The following ADGRG7 variants were observed in gnomAD, a reference collection of about 807,000 sequenced individuals.
ADGRG7 encodes G-protein coupled receptor 128.
Under a neutral mutation model 88.6 loss-of-function variants are expected in ADGRG7, and 82 were observed. The observed-to-expected ratio is 0.93, with a 90% confidence interval of 0.77 to 1.11. The LOEUF (loss-of-function observed/expected upper bound fraction) is 1.11. ADGRG7 is among the 50% of genes most tolerant of loss of function. The probability of loss-of-function intolerance (pLI) is 0.00; values close to 1 mark genes in which losing one functional copy is unlikely to be tolerated. For synonymous variants in ADGRG7, 381 were observed against 345.2 expected (o/e 1.10, Z -1.15); for missense variants, 945 against 953.4 (o/e 0.99, Z 0.12).
intron 15 of ADGRG7, among the ~76,000 whole-genome samples, chr3:100,671,186 G>A (rs572415298): frequency 1.3e-5 from 2 of 152,238 alleles, no homozygotes; most frequent in Admixed American, 1.3e-4. Context: ...AAGTGTTCCT[G>A]TTTCTCCACA....
chr3:100,649,761 T>C lies in ADGRG7; in HGVS notation c.1333T>C (p.Ser445Pro). ...DILSNVGCAL[S>P]VTGLALTVIF... ...ATTATCCAACGTTGGATGTGCACTGTCTGTTACTGGTCTGGCTCTCACAGT... is the reference window on the plus strand; with the variant it reads ...ATTATCCAACGTTGGATGTGCACTGCCTGTTACTGGTCTGGCTCTCACAGT... Residue 445 changes from serine to proline, a missense_variant, in exon 11 of 16, where the codon TCT becomes CCT. Ser to Pro is a moderately conservative substitution (Grantham distance 74, BLOSUM62 -1). Coordinates refer to ENST00000273352, the MANE Select transcript of ADGRG7 (RefSeq NM_032787.3). 6.2e-7 allele frequency: 1 copy of C among 1,611,144 alleles called. No individual in the cohort carries two copies. The highest frequency in any genetic ancestry group is 8.5e-7 in the Non-Finnish European group (1 of 1,177,666).
chr3:100,628,059 T>C (rs961246009), intron 1 of ADGRG7, among the ~76,000 whole-genome samples: 1 of 152,158 alleles, frequency 6.6e-6, no homozygotes, highest in African/African-American at 2.4e-5. Flanking sequence ...TTCTGGGATA[T>C]CTACCTTCAA....
At chr3:100,689,000 G>A (rs1219244185) in intron 15 of ADGRG7, among the ~76,000 whole-genome samples, 1 of 152,156 alleles carries the variant, frequency 6.6e-6, no homozygotes, top group African/African-American at 2.4e-5. Flanking sequence ...CGTTATTATT[G>A]TGTGGGAGTC....
In ADGRG7 at chr3:100,646,648, G is replaced by A. The variant is rs763042442; in HGVS notation, c.1190G>A (p.Gly397Asp). Residue 397 changes from glycine to aspartate, a missense_variant, in exon 10 of 16, where the codon GGC (glycine) becomes GAC (aspartate). By Grantham distance (94) the Gly-to-Asp change is moderately conservative (BLOSUM62 -1). Coordinates refer to ENST00000273352, the MANE Select transcript of ADGRG7 (RefSeq NM_032787.3). ...NLSAKDWDTY[G>D]CQKDKGTDGF... ...TCAGCGAAGGACTGGGACACATATG[G>A]CTGTCAAAAAGACAAGGGCACTGAT... The A allele has an allele frequency of 3.1e-6, 5 of 1,614,064 alleles. No individual in the cohort carries two copies. In the East Asian group the frequency reaches 6.7e-5, roughly 22 times the overall value.
In ADGRG7 at chr3:100,694,792, A is replaced by G; in HGVS notation, c.2185A>G (p.Ser729Gly). The change falls in exon 16 of 16, where the codon AGT (serine) becomes GGT (glycine). Residue 729 changes from serine (S) to glycine (G), a missense_variant. Physicochemically the swap from Ser to Gly is moderately conservative, Grantham distance 56. Coordinates refer to ENST00000273352, the MANE Select transcript of ADGRG7 (RefSeq NM_032787.3). The stretch of plus-strand genomic sequence containing the variant: ...CACTGTTAGAACAAAAGTCTTCCAG[A>G]GTGAAGCTTCCAAAGTGTTGATGTT... ...LYTVRTKVFQ[S>G]EASKVLMLLS... 1 of 1,614,128 alleles carries G rather than the reference A, an allele frequency of 6.2e-7. No individual in the cohort carries two copies. Among genetic ancestry groups the G allele is most frequent in the South Asian group, 1.1e-5 (1 of 91,086 alleles).
chr3:100,670,756 C>A (rs999134993), intron 15 of ADGRG7, among the ~76,000 whole-genome samples: 5 of 152,138 alleles, frequency 3.3e-5, no homozygotes, highest in African/African-American at 1.2e-4. Context: ...GTTCCCCTCC[C>A]TGTGTCCACG....
intron 14 of ADGRG7, chr3:100,665,462 CAA>C: frequency 1.9e-6 from 1 of 533,404 alleles, no homozygotes; most frequent in Admixed American, 2.0e-5. Flanking sequence ...TCAAAACCAC[CAA>C]AGACTCACTC....
At chr3:100,684,481 T>C (rs950123918) in intron 15 of ADGRG7, among the ~76,000 whole-genome samples, 1 of 152,112 alleles carries the variant, frequency 6.6e-6, no homozygotes, top group Non-Finnish European at 1.5e-5. Context: ...TTGTCCAGGC[T>C]GTTCTTGAAC....
At position 100,659,638 on chromosome 3, in the gene ADGRG7, T is replaced by C. The variant is rs7640071; in HGVS notation, c.1824-50T>C. ...ATAGTGTTAATAGCACAAAGACCAG[T>C]ATGTATACCTTTCTTAGTCTGCTGA... On this transcript the variant is annotated intron_variant, in intron 13 of 15. Transcript: ENST00000273352. 9.8e-4 allele frequency: 1,533 copies of C among 1,562,574 alleles called. 15 individuals carry two copies. In the African/African-American group the frequency reaches 0.018, roughly 18 times the overall value.
rs2095000190 is a variant in ADGRG7, at chr3:100,695,097, T to C, written c.*96T>C. 13 of 1,291,554 alleles carry C rather than the reference T, an allele frequency of 1.0e-5. No homozygotes were observed. Among genetic ancestry groups the C allele is most frequent in the Middle Eastern group, 1.9e-4 (1 of 5,206 alleles). 80.0% of individuals were successfully genotyped at this position (1,291,554 alleles called of 1,614,324 possible). On this transcript the variant is annotated 3_prime_UTR_variant, in exon 16 of 16. Coordinates refer to ENST00000273352, the MANE Select transcript of ADGRG7 (RefSeq NM_032787.3). Reference sequence around the variant, plus strand: ...TCCCAGTCCTCTCAGAAAGTCTTCCTCAATGTATTTTGCTCAGGATTAAGA... The same window carrying C: ...TCCCAGTCCTCTCAGAAAGTCTTCCCCAATGTATTTTGCTCAGGATTAAGA...
intron 1 of ADGRG7, 47 bp downstream of exon 1, chr3:100,610,018 G>C (rs1444229193): frequency 6.7e-7 from 1 of 1,487,094 alleles, no homozygotes; most frequent in Admixed American, 1.7e-5. Flanking sequence ...GAAGGTATGG[G>C]ACCTCTGTCC....
chr3:100,672,986 G>A (rs369569278), intron 15 of ADGRG7, among the ~76,000 whole-genome samples: 4 of 152,084 alleles, frequency 2.6e-5, no homozygotes, highest in East Asian at 1.9e-4. Flanking sequence ...TTTTCACATC[G>A]ATGTTCATCA....
chr3:100,648,250 C>T (rs867455994), intron 10 of ADGRG7, among the ~76,000 whole-genome samples: 1 of 152,080 alleles, frequency 6.6e-6, no homozygotes, highest in African/African-American at 2.4e-5. Flanking sequence ...TCAATGTCTA[C>T]GTACCTACAT....
At chr3:100,665,619 G>T in intron 14 of ADGRG7, 1 of 348,540 alleles carries the variant, frequency 2.9e-6, no homozygotes, top group Admixed American at 4.0e-5. Flanking sequence ...AAGAAATATG[G>T]TTAAAATATT....
In ADGRG7 at chr3:100,694,933, C is replaced by T. The variant is rs1483474276; in HGVS notation, c.2326C>T (p.Leu776=). The stretch of plus-strand genomic sequence containing the variant: ...AACCTTACATGAACGCTTTAGGCTA[C>T]TGGAAACCTCTCCGAGTACTGAGGA... ...LPTLHERFRL[L]ETSPSTEEIT... Residue 776 remains leucine (L), a synonymous_variant, in exon 16 of 16, where the codon CTG becomes TTG. Coordinates refer to ENST00000273352, the MANE Select transcript of ADGRG7 (RefSeq NM_032787.3). 2 of 1,614,154 alleles carry T rather than the reference C, an allele frequency of 1.2e-6. No individual in the cohort carries two copies. Among genetic ancestry groups the T allele is most frequent in the South Asian group, 2.2e-5 (2 of 91,090 alleles).
chr3:100,655,266 C>A, intron 12 of ADGRG7, 85 bp downstream of exon 12: 1 of 935,380 alleles, frequency 1.1e-6, no homozygotes, highest in Non-Finnish European at 1.6e-6. Flanking sequence ...CCTAATAGTC[C>A]AAGGCCTTGA....
intron 15 of ADGRG7, among the ~76,000 whole-genome samples, chr3:100,694,411 G>GTTC (rs2094998738): frequency 6.6e-6 from 1 of 152,074 alleles, no homozygotes; most frequent in Non-Finnish European, 1.5e-5. Flanking sequence ...AGAAGAATTA[G>GTTC]GTATTTCATA....
intron 8 of ADGRG7, among the ~76,000 whole-genome samples, chr3:100,645,120 T>G (rs1707720308): frequency 6.6e-6 from 1 of 152,238 alleles, no homozygotes; most frequent in Non-Finnish European, 1.5e-5. Context: ...CAACAGAGTT[T>G]AGGAAATTAA....
At chr3:100,623,853 A>G (rs1707345998) in intron 1 of ADGRG7, among the ~76,000 whole-genome samples, 1 of 152,190 alleles carries the variant, frequency 6.6e-6, no homozygotes, top group South Asian at 2.1e-4. Context: ...TTCCAGCTTC[A>G]TCCATGTCCC....
Sources: allele counts gnomAD v4.1 joint callset (sites outside exome capture counted in the v4.1 genomes callset), GRCh38; gene constraint gnomAD v4.1.1; transcripts MANE v1.5; gene names NCBI Gene and HGNC (gene_info 2026-07-23, HGNC 2026-07-21).